CREBBP: variants seen among roughly 807,000 people sequenced by gnomAD.
CREBBP encodes the protein CREB-binding protein.
Under a neutral mutation model 265.0 loss-of-function variants are expected in CREBBP, and 19 were observed. The observed-to-expected ratio is 0.07, with a 90% CI of 0.05 to 0.11. The LOEUF is 0.11. Ranked by LOEUF, CREBBP falls within the 10% of genes least tolerant of loss-of-function variation. CREBBP has a pLI of 1.00. For synonymous variants in CREBBP, 1,457 were observed against 1,223.7 expected, an observed-to-expected ratio of 1.19 and a Z score of -3.98; for missense variants, 2,525 against 3,219.0, an observed-to-expected ratio of 0.78 and a Z score of 5.22.
intron 3 of CREBBP, among the ~76,000 whole-genome samples, chr16:3,804,958 G>A (rs977265224): frequency 1.3e-5 from 2 of 152,220 alleles, no homozygotes; most frequent in African/African-American, 2.4e-5. Context: ...CTGAGGCCTT[G>A]TAATATGTGG....
intron 2 of CREBBP, among the ~76,000 whole-genome samples, chr16:3,821,026 G>A (rs532452623): frequency 1.3e-5 from 2 of 152,080 alleles, no homozygotes; most frequent in Admixed American, 1.3e-4. Context: ...TAATGCATAA[G>A]CAAAAACGAC....
intron 5 of CREBBP, among the ~76,000 whole-genome samples, chr16:3,789,883 TAA>T (rs111646959): frequency 6.9e-6 from 1 of 144,500 alleles, no homozygotes. Context: ...AAGGATGGTT[TAA>T]AAAAAAAAAA....
rs1186676649 is a variant in CREBBP at position 3,850,907 on chromosome 16, G to A, written c.188C>T (p.Ala63Val). 6.2e-7 allele frequency: 1 copy of A among 1,614,068 alleles called. No homozygotes were observed. The highest frequency in any genetic ancestry group is 8.5e-7 in the Non-Finnish European group (1 of 1,180,042). Residue 63 changes from alanine (A) to valine (V), a missense_variant, in exon 2 of 31, where the codon GCT becomes GTT. This residue lies in a region of CREBBP where 356 missense variants were observed against 340.4 expected (regional missense o/e 1.05). Transcript: ENST00000262367. ...LLNSGNLVPD[A>V]ASKHKQLSEL... ...CGACAGTTGTTTATGTTTGGAAGCA[G>A]CATCTGGAACAAGGTTCCCACTGTT...
At chr16:3,879,105 TG>T (rs1479507460) in intron 1 of CREBBP, among the ~76,000 whole-genome samples, 3 of 152,152 alleles carry the variant, frequency 2.0e-5, no homozygotes, top group Non-Finnish European at 4.4e-5. Context: ...AACTTAAACC[TG>T]CTGTTTAACT....
chr16:3,761,535 C>T (rs778481922), intron 16 of CREBBP: 2 of 518,696 alleles, frequency 3.9e-6, no homozygotes, highest in Non-Finnish European at 7.7e-6. Flanking sequence ...AAGAACATGC[C>T]TCAGGGCTCA....
rs1455992554 is a variant in CREBBP at position 3,728,527 on chromosome 16, T to C, written c.6520A>G (p.Met2174Val). ...LNPQGQALNIMNPGHNPNMAS... is the reference protein window; with the variant it reads ...LNPQGQALNIVNPGHNPNMAS... ...ATGTTGGGGTTGTGTCCTGGGTTCA[T>C]GATGTTCAAGGCCTGGCCCTGGGGG... The change falls in exon 31 of 31, where the codon ATG becomes GTG. Residue 2174 changes from methionine (M) to valine (V), a missense_variant. Physicochemically the swap from Met to Val is conservative, Grantham distance 21. Coordinates refer to ENST00000262367, the MANE Select transcript of CREBBP (RefSeq NM_004380.3). This position sits in a 1 kb window ranked among gnomAD's most constrained non-coding sequence, Gnocchi z 8.7. 9 of 1,613,942 alleles carry C rather than the reference T, an allele frequency of 5.6e-6. No individual in the cohort carries two copies. Among genetic ancestry groups the C allele is most frequent in the Non-Finnish European group, 6.8e-6 (8 of 1,180,020 alleles).
chr16:3,801,538 C>T (rs1054985473), intron 3 of CREBBP, among the ~76,000 whole-genome samples: 8 of 151,986 alleles, frequency 5.3e-5, no homozygotes, highest in Non-Finnish European at 7.4e-5. Flanking sequence ...GGTGTGGTGG[C>T]GCACACCTGT....
intron 5 of CREBBP, among the ~76,000 whole-genome samples, chr16:3,787,629 GT>G (rs113867107): frequency 0.019 from 2,800 of 145,850 alleles, 52 homozygotes; most frequent in Middle Eastern, 0.043. Context: ...AAAAAAGGAG[GT>G]TTTTTTTTTT....
chr16:3,819,545 G>A (rs1567337995), intron 2 of CREBBP, among the ~76,000 whole-genome samples: 1 of 152,162 alleles, frequency 6.6e-6, no homozygotes. Flanking sequence ...GGACGATAGG[G>A]AGAGGCCGGC....
At chr16:3,832,067 A>G (rs1279144797) in intron 2 of CREBBP, among the ~76,000 whole-genome samples, 3 of 152,148 alleles carry the variant, frequency 2.0e-5, no homozygotes, top group African/African-American at 7.2e-5. Context: ...TGCCAAATCA[A>G]TTCAAGAACT....
intron 16 of CREBBP, chr16:3,761,596 G>A (rs773033255): frequency 1.4e-5 from 7 of 518,230 alleles, no homozygotes; most frequent in African/African-American, 1.9e-5. Flanking sequence ...CGCAGACACC[G>A]CCTCCTCTCC....
rs767302334 is a variant in CREBBP, at chr16:3,729,866, G to A, written c.5181C>T (p.Asp1727=). The A allele has an allele frequency of 2.2e-5, 36 of 1,601,448 alleles. No homozygotes were observed. Among genetic ancestry groups the A allele is most frequent in the African/African-American group, 5.3e-5 (4 of 74,924 alleles). The change falls in exon 31 of 31, where the codon GAC becomes GAT. Residue 1727 remains aspartate, a synonymous_variant. Coordinates refer to ENST00000262367, the MANE Select transcript of CREBBP (RefSeq NM_004380.3). ...RWHCTVCEDY[D]LCINCYNTKS... is the part of the protein sequence containing the mutation. ...TCGTGTTATAGCAGTTGATGCAGAG[G>A]TCGTAGTCCTGCAAGCAAGGAAAGG...
At chr16:3,815,049 C>A (rs2054012114) in intron 2 of CREBBP, among the ~76,000 whole-genome samples, 1 of 152,210 alleles carries the variant, frequency 6.6e-6, no homozygotes. Flanking sequence ...TGAATAAAAA[C>A]CATTTGCTTC....
intron 1 of CREBBP, among the ~76,000 whole-genome samples, chr16:3,863,918 G>A (rs1013151155): frequency 1.3e-4 from 20 of 152,164 alleles, no homozygotes; most frequent in Admixed American, 5.2e-4. Flanking sequence ...GGACAGGGGA[G>A]CAAAAACGGG....
chr16:3,775,425 A>C (rs1224782122), intron 11 of CREBBP, among the ~76,000 whole-genome samples: 4 of 152,178 alleles, frequency 2.6e-5, no homozygotes, highest in Non-Finnish European at 5.9e-5. Flanking sequence ...AGTTCTAAAG[A>C]AGCACCAGTT....
Position 3,729,503 on chromosome 16 carries a change from G to C in CREBBP, c.5544C>G (p.His1848Gln), listed in dbSNP as rs775138594. 2 of 1,614,102 alleles carry C rather than the reference G, an allele frequency of 1.2e-6. No individual in the cohort carries two copies. The highest frequency in any genetic ancestry group is 2.7e-5 in the African/African-American group (2 of 74,944). The change falls in exon 31 of 31, where the codon CAC (histidine) becomes CAG (glutamine). Residue 1848 changes from histidine to glutamine, a missense_variant. Physicochemically the swap from His to Gln is conservative, Grantham distance 24. This residue lies in a region of CREBBP where 53 missense variants were observed against 146.3 expected (regional missense o/e 0.36). Coordinates refer to ENST00000262367, the MANE Select transcript of CREBBP (RefSeq NM_004380.3). ...CPVPFCLNIKHKLRQQQIQHR... is the reference protein window; with the variant it reads ...CPVPFCLNIKQKLRQQQIQHR... ...GCTGGATCTGCTGCTGGCGGAGCTT[G>C]TGTTTGATGTTGAGGCAGAAGGGCA... is the stretch of plus-strand genomic sequence containing the variant.
chr16:3,873,034 T>C (rs939448662), intron 1 of CREBBP, among the ~76,000 whole-genome samples: 1 of 152,256 alleles, frequency 6.6e-6, no homozygotes, highest in Admixed American at 6.5e-5. Flanking sequence ...ACTGCATTTC[T>C]GTACCCTTTC....
Position 3,736,678 on chromosome 16 carries a change from A to G in CREBBP, c.4532T>C (p.Phe1511Ser), listed in dbSNP as rs2151329257. Residue 1511 changes from phenylalanine (F) to serine (S), a missense_variant, in exon 27 of 31, where the codon TTT becomes TCT. Phe to Ser is a radical substitution (Grantham distance 155). This residue lies in a region of CREBBP where 93 missense variants were observed against 161.5 expected (regional missense o/e 0.58). Coordinates refer to ENST00000262367, the MANE Select transcript of CREBBP (RefSeq NM_004380.3). ...GTAGTCATGGATGATCCGCTCTGCAAACGCCTTGTCCAGCATCTTTTTGTA... is the reference window on the plus strand; with the variant it reads ...GTAGTCATGGATGATCCGCTCTGCAGACGCCTTGTCCAGCATCTTTTTGTA... The part of the protein sequence containing the change: ...EWYKKMLDKA[F>S]AERIIHDYKD... 6.2e-7 allele frequency: 1 copy of G among 1,614,228 alleles called. No homozygotes were observed. The highest frequency in any genetic ancestry group is 8.5e-7 in the Non-Finnish European group (1 of 1,180,044).
In CREBBP at chr16:3,749,641, G is replaced by A. The variant is rs2151368180; in HGVS notation, c.3822C>T (p.Thr1274=). Residue 1274 remains threonine (T), a synonymous_variant, in exon 21 of 31, where the codon ACC becomes ACT. Coordinates refer to ENST00000262367, the MANE Select transcript of CREBBP (RefSeq NM_004380.3). ...TATATACTTACGGTTCGGGGTCTAA[G>A]GTATCATTTTTCTTCTTTTCAAACT... ...KDQFEKKKND[T]LDPEPFVDCK... 6.2e-7 allele frequency: 1 copy of A among 1,606,272 alleles called. No individual in the cohort carries two copies. The highest frequency in any genetic ancestry group is 1.1e-5 in the South Asian group (1 of 90,614).
Sources: allele counts gnomAD v4.1 joint callset (sites outside exome capture counted in the v4.1 genomes callset), GRCh38; gene constraint gnomAD v4.1.1; regional missense constraint gnomAD v4.1.1; non-coding constraint Gnocchi (gnomAD v3.1); transcripts MANE v1.5; gene names NCBI Gene and HGNC (gene_info 2026-07-23, HGNC 2026-07-21).